CCDC171: variants seen among roughly 807,000 people sequenced by gnomAD.
The protein encoded by CCDC171 is coiled-coil domain containing 171.
In CCDC171, 177 loss-of-function variants were observed where a neutral mutation model predicts 168.2. The ratio of observed to expected loss-of-function variants is 1.05; its 90% confidence interval spans 0.93 to 1.19. The LOEUF (loss-of-function observed/expected upper bound fraction) is 1.19. Among genes scored for constraint, CCDC171 ranks in the 50% most tolerant of loss-of-function variants. The probability of loss-of-function intolerance (pLI) is 0.00; values close to 1 mark genes in which losing one functional copy is unlikely to be tolerated. For synonymous variants in CCDC171, 687 were observed against 540.8 expected (o/e 1.27, Z -3.75); for missense variants, 1,991 against 1,539.0 (o/e 1.29, Z -4.91).
chr9:15,914,704 A>T lies in CCDC171; in HGVS notation c.3601-5566A>T, dbSNP rs1824243720. Among the ~76,000 whole-genome samples the T allele has an allele frequency of 2.1e-5, 3 of 145,126 alleles. No individual in the cohort carries two copies. In the Admixed American group the frequency reaches 2.1e-4, roughly 10 times the overall value. Reference sequence around the variant, plus strand: ...GGTGACAATGGGGTATGAAAAAAAAACTCCTGCAGATAGCTTGATGTCTGC... The same window carrying T: ...GGTGACAATGGGGTATGAAAAAAAATCTCCTGCAGATAGCTTGATGTCTGC... On this transcript the variant is annotated intron_variant, in intron 24 of 25. Transcript: ENST00000380701.
At chr9:16,058,516 G>T (rs769804199) in intron 1 of CCDC171, among the ~76,000 whole-genome samples, 7 of 152,224 alleles carry the variant, frequency 4.6e-5, no homozygotes, top group Non-Finnish European at 1.0e-4. Context: ...CCTTTGCCTG[G>T]TTCTCAGAGG....
chr9:15,682,486 G>T (rs1371443706), intron 10 of CCDC171, among the ~76,000 whole-genome samples: 1 of 151,728 alleles, frequency 6.6e-6, no homozygotes, highest in Non-Finnish European at 1.5e-5. Flanking sequence ...CAAAATAATT[G>T]TATTAATACA....
At chr9:15,726,579 TTTG>T (rs1281279165) in intron 14 of CCDC171, among the ~76,000 whole-genome samples, 2 of 152,198 alleles carry the variant, frequency 1.3e-5, no homozygotes, top group African/African-American at 2.4e-5. Context: ...ATTTCTTAAA[TTTG>T]TTGTTGTAAC....
chr9:15,937,605 T>G (rs3008678), intron 25 of CCDC171, among the ~76,000 whole-genome samples: 64,953 of 151,692 alleles, frequency 0.43, 14,160 homozygotes, highest in African/African-American at 0.48. Flanking sequence ...ATTTTAAAAG[T>G]CATTACTAAA....
intron 25 of CCDC171, among the ~76,000 whole-genome samples, chr9:15,964,946 A>G (rs1161057355): frequency 6.6e-6 from 1 of 152,046 alleles, no homozygotes; most frequent in African/African-American, 2.4e-5. Flanking sequence ...ATTTTTAAGC[A>G]GAGACGGGTT....
intron 16 of CCDC171, among the ~76,000 whole-genome samples, chr9:15,732,445 T>A (rs2134374134): frequency 6.6e-6 from 1 of 152,236 alleles, no homozygotes; most frequent in African/African-American, 2.4e-5. Context: ...ATAGCCTTGG[T>A]ACCTTTGTGA....
rs1289445063 is a variant in CCDC171, at chr9:15,972,282, C to G, written c.*446C>G. ...CAGCCCGGCCATGGTTCACTGAGCC[C>G]CCTCTTCTCTCTTGTCAGCTCAACT... On this transcript the variant is annotated 3_prime_UTR_variant, in exon 26 of 26. Coordinates refer to ENST00000380701, the MANE Select transcript of CCDC171 (RefSeq NM_173550.4). 6.2e-6 allele frequency: 1 copy of G among 161,650 alleles called. No homozygotes were observed. Among genetic ancestry groups the G allele is most frequent in the African/African-American group, 2.4e-5 (1 of 41,502 alleles). The allele number at this position is 161,650 out of a possible 1,614,324, so 10.0% of individuals were successfully genotyped here. A position where few individuals can be genotyped will look rare whatever the true frequency, so the allele number is the denominator to read the frequency against.
chr9:15,593,524 A>T (rs1319862355), intron 5 of CCDC171, among the ~76,000 whole-genome samples: 1 of 152,034 alleles, frequency 6.6e-6, no homozygotes, highest in Non-Finnish European at 1.5e-5. Flanking sequence ...AATTTGTTGC[A>T]CAGAATTCTT....
At chr9:15,636,131 T>A (rs1164653908) in intron 7 of CCDC171, among the ~76,000 whole-genome samples, 1 of 152,128 alleles carries the variant, frequency 6.6e-6, no homozygotes, top group Non-Finnish European at 1.5e-5. Flanking sequence ...TTCTCTTTTT[T>A]AAAAATGGAT....
In CCDC171 at chr9:15,622,646, A is replaced by G. The variant is rs545309584; in HGVS notation, c.676-621A>G. On this transcript the variant is annotated intron_variant, in intron 6 of 25. Coordinates refer to ENST00000380701, the MANE Select transcript of CCDC171 (RefSeq NM_173550.4). ...TTAACTTTACTTTTGAACTTTTTCA[A>G]TAAAATTCAACTCCCATTTCTGTGT... Among the ~76,000 whole-genome samples, 24 of 152,322 alleles carry G rather than the reference A, an allele frequency of 1.6e-4. No homozygotes were observed. In the South Asian group the frequency reaches 4.1e-3, roughly 26 times the overall value.
chr9:15,911,077 G>C (rs527529532), intron 24 of CCDC171, among the ~76,000 whole-genome samples: 1 of 152,048 alleles, frequency 6.6e-6, no homozygotes, highest in African/African-American at 2.4e-5. Context: ...GGGATGGCTG[G>C]GTCAAATGGT....
At chr9:15,934,514 G>A (rs1826889827) in intron 25 of CCDC171, among the ~76,000 whole-genome samples, 2 of 151,876 alleles carry the variant, frequency 1.3e-5, no homozygotes, top group African/African-American at 4.8e-5. Context: ...AAGATAACAA[G>A]CATTGCAAGG....
intron 7 of CCDC171, among the ~76,000 whole-genome samples, chr9:15,643,364 C>G (rs187649720): frequency 6.6e-6 from 1 of 152,214 alleles, no homozygotes; most frequent in Admixed American, 6.5e-5. Context: ...AATGCTCATT[C>G]TGGTGTGGGC....
chr9:15,590,006 G>T (rs568242846), intron 4 of CCDC171, among the ~76,000 whole-genome samples: 32 of 152,302 alleles, frequency 2.1e-4, no homozygotes, highest in Middle Eastern at 6.8e-3. Context: ...TACCGTTATG[G>T]AAAGAAGTAG....
chr9:15,979,173 C>G (rs1165938827), intron 3 of CCDC171, among the ~76,000 whole-genome samples: 2 of 152,048 alleles, frequency 1.3e-5, no homozygotes, highest in Non-Finnish European at 2.9e-5. Context: ...CTTTTTAATT[C>G]AAATAGTTTT....
Position 15,728,001 on chromosome 9 carries a change from G to A in CCDC171, c.1825G>A (p.Ala609Thr), listed in dbSNP as rs762461230. 1 of 1,612,774 alleles carries A rather than the reference G, an allele frequency of 6.2e-7. No individual in the cohort carries two copies. Among genetic ancestry groups the A allele is most frequent in the South Asian group, 1.1e-5 (1 of 90,876 alleles). The change falls in exon 15 of 26, where the codon GCC (alanine) becomes ACC (threonine). Residue 609 changes from alanine (A) to threonine (T), a missense_variant. Coordinates refer to ENST00000380701, the MANE Select transcript of CCDC171 (RefSeq NM_173550.4). ...LCAVLQENVD[A>T]LIADLNRANE... ...TGCAGTCTTACAGGAGAATGTTGAT[G>A]CCCTGATTGCAGACCTCAACAGGGC... is the stretch of plus-strand genomic sequence containing the variant.
intron 11 of CCDC171, among the ~76,000 whole-genome samples, chr9:15,707,764 C>G (rs1212779165): frequency 6.6e-6 from 1 of 152,136 alleles, no homozygotes; most frequent in Admixed American, 6.5e-5. Flanking sequence ...ATCTTGTTAT[C>G]CTTATTTCTC....
chr9:16,024,363 A>G (rs1833234318), intron 6 of CCDC171, among the ~76,000 whole-genome samples: 1 of 152,232 alleles, frequency 6.6e-6, no homozygotes, highest in African/African-American at 2.4e-5. Context: ...CATCCACTCT[A>G]AAGGGAGATT....
At chr9:16,044,779 C>G (rs967818597) in intron 1 of CCDC171, among the ~76,000 whole-genome samples, 10 of 152,260 alleles carry the variant, frequency 6.6e-5, no homozygotes, top group South Asian at 2.1e-4. Context: ...CCATGATGCC[C>G]CATGAACTCT....
Sources: gnomAD v4.1 joint callset for allele counts (sites outside exome capture counted in the v4.1 genomes callset) on GRCh38, gnomAD v4.1.1 for gene constraint, MANE v1.5 for transcripts, NCBI Gene and HGNC (gene_info 2026-07-23, HGNC 2026-07-21) for gene names.